SPATA31G1: variants seen among roughly 807,000 people sequenced by gnomAD.
SPATA31G1 encodes the protein SPATA31 subfamily G member 1.
chr9:35,042,986 A>G, the SPATA31G1 span: 5 of 1,614,036 alleles, frequency 3.1e-6, no homozygotes, highest in African/African-American at 5.3e-5. Context: ...CACTGAAGCC[A>G]TGTTCTCCTA....
chr9:35,045,476 G>A, the SPATA31G1 span: 5 of 1,613,940 alleles, frequency 3.1e-6, no homozygotes, highest in Non-Finnish European at 4.2e-6. Flanking sequence ...AGCACCCTAG[G>A]AAACCCAAAG....
the SPATA31G1 span, chr9:35,044,116 C>T: frequency 1.2e-6 from 2 of 1,614,138 alleles, no homozygotes; most frequent in East Asian, 2.2e-5. Context: ...GAATCCAAAG[C>T]TTTGTGGGAG....
chr9:35,044,070 G>A, the SPATA31G1 span: 2 of 1,614,044 alleles, frequency 1.2e-6, no homozygotes, highest in Non-Finnish European at 8.5e-7. Flanking sequence ...CCCTCTCCTG[G>A]AGTCTCTAGT....
the SPATA31G1 span, chr9:35,042,122 T>C: frequency 7.2e-7 from 1 of 1,396,324 alleles, no homozygotes; most frequent in Admixed American, 2.8e-5. Flanking sequence ...ATGAATTGCC[T>C]GATAGAGGAA....
chr9:35,043,689 A>C, the SPATA31G1 span: 4 of 1,614,084 alleles, frequency 2.5e-6, no homozygotes, highest in African/African-American at 2.7e-5. Flanking sequence ...GTCAGAACCC[A>C]GAAAAGTTAG....
the SPATA31G1 span, chr9:35,042,978 C>A: frequency 4.3e-5 from 69 of 1,614,074 alleles, no homozygotes; most frequent in Middle Eastern, 1.6e-4. Flanking sequence ...TCTGGATCCA[C>A]TGAAGCCATG....
the SPATA31G1 span, chr9:35,041,313 T>TA: frequency 9.2e-6 from 2 of 217,112 alleles, no homozygotes; most frequent in Non-Finnish European, 1.9e-5. Flanking sequence ...TTAAGAATGT[T>TA]AACAGAGGTC....
At chr9:35,044,539 T>G in the SPATA31G1 span, 3 of 1,614,198 alleles carry the variant, frequency 1.9e-6, no homozygotes, top group Non-Finnish European at 2.5e-6. Context: ...GAAAACTGTG[T>G]TCCTGTGTTC....
At chr9:35,042,379 T>A in the SPATA31G1 span, 6 of 1,614,144 alleles carry the variant, frequency 3.7e-6, no homozygotes, top group Admixed American at 5.0e-5. Context: ...CCAGGAAATC[T>A]GGTGACACTA....
At chr9:35,043,126 C>T in the SPATA31G1 span, 7 of 1,614,212 alleles carry the variant, frequency 4.3e-6, no homozygotes, top group Non-Finnish European at 5.9e-6. Context: ...CCTTCCAGAT[C>T]CTTCCCCATC....
At chr9:35,044,436 C>T in the SPATA31G1 span, 1 of 1,613,958 alleles carries the variant, frequency 6.2e-7, no homozygotes, top group African/African-American at 1.3e-5. Context: ...CTCTAAGCAC[C>T]CAGCTTGTAA....
the SPATA31G1 span, chr9:35,041,535 G>A: frequency 6.4e-6 from 1 of 155,394 alleles, no homozygotes; most frequent in African/African-American, 2.4e-5. Flanking sequence ...GAGCTCAGGA[G>A]GTCAAGACCA....
At chr9:35,045,416 A>G in the SPATA31G1 span, 1 of 1,614,054 alleles carries the variant, frequency 6.2e-7, no homozygotes, top group South Asian at 1.1e-5. Context: ...TTCTGGTCTC[A>G]GGCAAGAGAA....
chr9:35,043,313 C>G, the SPATA31G1 span: 1 of 1,614,208 alleles, frequency 6.2e-7, no homozygotes, highest in Non-Finnish European at 8.5e-7. Context: ...GTTCTTCTGT[C>G]TTCTTCAACA....
At chr9:35,044,047 G>C in the SPATA31G1 span, 1 of 1,613,866 alleles carries the variant, frequency 6.2e-7, no homozygotes, top group Non-Finnish European at 8.5e-7. Flanking sequence ...TCACCTCCCA[G>C]CCTTCCCTCA....
chr9:35,042,716 A>G, the SPATA31G1 span: 2 of 1,190,188 alleles, frequency 1.7e-6, no homozygotes. Flanking sequence ...ACACTAGATG[A>G]GGAGCTGTGT....
chr9:35,042,737 C>A, the SPATA31G1 span: 1 of 1,328,900 alleles, frequency 7.5e-7, no homozygotes, highest in Non-Finnish European at 1.0e-6. Flanking sequence ...AGGTGACTGG[C>A]CACACACGTG....
the SPATA31G1 span, chr9:35,044,479 T>C: frequency 1.2e-6 from 2 of 1,614,210 alleles, no homozygotes; most frequent in African/African-American, 1.3e-5. Flanking sequence ...GCCAGCCCTC[T>C]GGGAGTCTTG....
the SPATA31G1 span, chr9:35,042,543 C>A: frequency 6.2e-7 from 1 of 1,610,660 alleles, no homozygotes; most frequent in South Asian, 1.1e-5. Flanking sequence ...CATGTGAGGT[C>A]ATTGGTATGA....
Sources: allele counts gnomAD v4.1 joint callset, GRCh38; gene constraint gnomAD v4.1.1; transcripts MANE v1.5; gene names NCBI Gene and HGNC (gene_info 2026-07-23, HGNC 2026-07-21).